Variants in ELMO1 observed in about 807,000 individuals in gnomAD.
ELMO1 encodes engulfment and cell motility 1.
ELMO1 carries 26 observed loss-of-function variants against 98.9 expected under a neutral mutation model. That is an observed-to-expected ratio of 0.26 (90% CI 0.19 to 0.36). The LOEUF (loss-of-function observed/expected upper bound fraction) is 0.36, where lower values mean the gene tolerates loss of function less well. Among genes scored for constraint, ELMO1 ranks in the 10% least tolerant of loss-of-function variants. ELMO1 has a pLI of 1.00. For synonymous variants in ELMO1, 346 were observed against 346.0 expected (o/e 1.00, Z 0.00); for missense variants, 627 against 935.2 (o/e 0.67, Z 4.30).
chr7:37,122,301 G>A (rs1305466059), intron 14 of ELMO1, among the ~76,000 whole-genome samples: 2 of 152,116 alleles, frequency 1.3e-5, no homozygotes, highest in Non-Finnish European at 2.9e-5. Context: ...AACCTTAAAT[G>A]CAAATGGGCT....
At chr7:37,441,481 T>C (rs1805415757) in intron 1 of ELMO1, among the ~76,000 whole-genome samples, 1 of 152,170 alleles carries the variant, frequency 6.6e-6, no homozygotes, top group Non-Finnish European at 1.5e-5. Flanking sequence ...GGAATATCAA[T>C]AACCATTACT....
chr7:37,291,344 A>G (rs1797669626), intron 4 of ELMO1, among the ~76,000 whole-genome samples: 1 of 152,250 alleles, frequency 6.6e-6, no homozygotes, highest in Non-Finnish European at 1.5e-5. Context: ...CCAAGTAACA[A>G]AAGGGAAAAA....
intron 4 of ELMO1, among the ~76,000 whole-genome samples, chr7:37,312,309 G>A (rs1372971159): frequency 1.3e-5 from 2 of 152,164 alleles, no homozygotes; most frequent in Non-Finnish European, 2.9e-5. Flanking sequence ...GGCTGGTCTC[G>A]AACTCCTGAC....
intron 13 of ELMO1, among the ~76,000 whole-genome samples, chr7:37,197,871 C>T (rs1792064161): frequency 6.6e-6 from 1 of 152,190 alleles, no homozygotes; most frequent in Admixed American, 6.5e-5. Context: ...CACCACTCAG[C>T]CCTGCCAGAC....
At chr7:37,345,645 T>C (rs1285247924) in intron 1 of ELMO1, among the ~76,000 whole-genome samples, 1 of 151,246 alleles carries the variant, frequency 6.6e-6, no homozygotes, top group Non-Finnish European at 1.5e-5. Flanking sequence ...AGGTGGAGGT[T>C]GCAGGGGACC....
intron 1 of ELMO1, among the ~76,000 whole-genome samples, chr7:37,353,835 T>G (rs938597545): frequency 2.0e-5 from 3 of 152,224 alleles, no homozygotes; most frequent in African/African-American, 4.8e-5. Context: ...TTTACAATCC[T>G]TTAGCGAGAC....
At chr7:37,154,821 A>T (rs1000453662) in intron 13 of ELMO1, among the ~76,000 whole-genome samples, 3 of 152,220 alleles carry the variant, frequency 2.0e-5, no homozygotes, top group African/African-American at 7.2e-5. Flanking sequence ...AATACCACAA[A>T]GATACTCCTT....
intron 16 of ELMO1, among the ~76,000 whole-genome samples, chr7:36,974,522 CTG>C (rs1383799490): frequency 2.6e-5 from 4 of 152,174 alleles, no homozygotes; most frequent in African/African-American, 9.6e-5. Context: ...TGTCCACACT[CTG>C]TATCTAGCTA....
At chr7:37,360,835 T>A (rs1021545796) in intron 1 of ELMO1, among the ~76,000 whole-genome samples, 12 of 152,136 alleles carry the variant, frequency 7.9e-5, no homozygotes, top group Non-Finnish European at 1.3e-4. Flanking sequence ...ATAAAAACCT[T>A]AAGATTAAAG....
chr7:37,007,565 C>A (rs1793231793), intron 16 of ELMO1, among the ~76,000 whole-genome samples: 1 of 152,212 alleles, frequency 6.6e-6, no homozygotes, highest in African/African-American at 2.4e-5. Context: ...AGAGCGCCGT[C>A]TGCACCACTA....
chr7:37,250,214 G>T (rs34426621), intron 6 of ELMO1, among the ~76,000 whole-genome samples: 11,494 of 152,232 alleles, frequency 0.076, 604 homozygotes, highest in Non-Finnish European at 0.11. Context: ...TACATAATAA[G>T]CTATAAAGCT....
chr7:37,025,607 G>T (rs1397298133), intron 15 of ELMO1, among the ~76,000 whole-genome samples: 1 of 152,012 alleles, frequency 6.6e-6, no homozygotes, highest in East Asian at 1.9e-4. Flanking sequence ...CACTGCTTGA[G>T]CTGGGACATC....
chr7:37,066,810 G>A (rs1410328225), intron 15 of ELMO1, among the ~76,000 whole-genome samples: 1 of 152,122 alleles, frequency 6.6e-6, no homozygotes. Context: ...GAGAACATTG[G>A]ACTCAAGAGC....
chr7:37,240,684 A>C (rs1414933293), intron 7 of ELMO1, among the ~76,000 whole-genome samples: 2 of 152,142 alleles, frequency 1.3e-5, no homozygotes, highest in African/African-American at 4.8e-5. Flanking sequence ...TTTCATTACC[A>C]TTCAGTTAAA....
In ELMO1 at chr7:37,259,490, G is replaced by A. The variant is rs151041694; in HGVS notation, c.244-140C>T. On this transcript the variant is annotated intron_variant, in intron 5 of 21. Coordinates refer to ENST00000310758, the MANE Select transcript of ELMO1 (RefSeq NM_014800.11). ...CATATTACAGAGTGGGCATCTCAAC[G>A]ACAGGCTTCAAGGCTTCCAACCCAA... 4.7e-4 allele frequency: 444 copies of A among 935,092 alleles called. 2 individuals are homozygous for A. The African/African-American group carries it at 6.8e-3, about 14-fold the overall frequency. 57.9% of individuals were successfully genotyped at this position (935,092 alleles called of 1,614,324 possible).
At chr7:36,872,096 A>C (rs1419302458) in intron 19 of ELMO1, among the ~76,000 whole-genome samples, 1 of 152,186 alleles carries the variant, frequency 6.6e-6, no homozygotes, top group Non-Finnish European at 1.5e-5. Context: ...CAACCTTTGC[A>C]GTCAGGTCAT....
chr7:37,315,084 T>C (rs1403633764), intron 3 of ELMO1, among the ~76,000 whole-genome samples, 162 bp from the exon 4 acceptor site: 5 of 152,196 alleles, frequency 3.3e-5, no homozygotes, highest in African/African-American at 1.2e-4. Flanking sequence ...TTAGCCTACC[T>C]TCCATTACCC....
At chr7:37,084,479 G>T (rs1358378392) in intron 15 of ELMO1, among the ~76,000 whole-genome samples, 1 of 152,180 alleles carries the variant, frequency 6.6e-6, no homozygotes, top group Admixed American at 6.5e-5. Context: ...AGGAAGACAG[G>T]ATATTTACAA....
intron 19 of ELMO1, 147 bp downstream of exon 19, chr7:36,877,863 G>T: frequency 1.6e-6 from 1 of 611,626 alleles, no homozygotes; most frequent in South Asian, 2.3e-5. Context: ...TCTTGTACTT[G>T]ATGAGATGGC....
Sources: allele counts gnomAD v4.1 joint callset (sites outside exome capture counted in the v4.1 genomes callset), GRCh38; gene constraint gnomAD v4.1.1; transcripts MANE v1.5; gene names NCBI Gene and HGNC (gene_info 2026-07-23, HGNC 2026-07-21).